TMPRSS15: variants seen among roughly 807,000 people sequenced by gnomAD.
TMPRSS15 encodes enteropeptidase.
Under a neutral mutation model 125.3 loss-of-function variants are expected in TMPRSS15, and 128 were observed. The ratio of observed to expected loss-of-function variants is 1.02; its 90% confidence interval spans 0.89 to 1.18. TMPRSS15 has a LOEUF of 1.18. TMPRSS15 is among the 50% of genes most tolerant of loss of function. TMPRSS15 has a pLI of 0.00. For synonymous variants in TMPRSS15, 446 were observed against 423.2 expected (o/e 1.05, Z -0.66); for missense variants, 1,283 against 1,212.7 (o/e 1.06, Z -0.86).
chr21:18,484,562 TC>T (rs1408244842), intron 1 of TMPRSS15, among the ~76,000 whole-genome samples: 2 of 151,818 alleles, frequency 1.3e-5, no homozygotes, highest in Non-Finnish European at 1.5e-5. Context: ...ATTCATCTGT[TC>T]TTTTTTATAC....
intron 5 of TMPRSS15, among the ~76,000 whole-genome samples, chr21:18,376,200 GT>G (rs11438174): frequency 0.12 from 17,443 of 149,714 alleles, 1,101 homozygotes; most frequent in African/African-American, 0.16. Context: ...AACAAATCTA[GT>G]TTTTTTTTTT....
chr21:18,414,074 T>C (rs1389503603), intron 1 of TMPRSS15, among the ~76,000 whole-genome samples: 3 of 152,222 alleles, frequency 2.0e-5, no homozygotes, highest in Non-Finnish European at 4.4e-5. Flanking sequence ...ACTTAAGGAA[T>C]GCATAGAAAC....
chr21:18,299,117 C>T (rs1038498373), intron 18 of TMPRSS15, among the ~76,000 whole-genome samples: 21 of 152,152 alleles, frequency 1.4e-4, no homozygotes, highest in Admixed American at 7.2e-4. Flanking sequence ...AATGGATTTA[C>T]CAAGGGAAAG....
chr21:18,313,583 G>A (rs1375466757), intron 17 of TMPRSS15, among the ~76,000 whole-genome samples: 1 of 151,816 alleles, frequency 6.6e-6, no homozygotes, highest in African/African-American at 2.4e-5. Flanking sequence ...ATTGATAGGA[G>A]TAAATTATGG....
chr21:18,304,171 G>A (rs114294923), intron 18 of TMPRSS15, among the ~76,000 whole-genome samples: 2 of 152,198 alleles, frequency 1.3e-5, no homozygotes, highest in African/African-American at 4.8e-5. Flanking sequence ...GTCAAAGTAC[G>A]CTAGGACAAA....
At chr21:18,320,332 C>T (rs1425631685) in intron 16 of TMPRSS15, among the ~76,000 whole-genome samples, 1 of 151,962 alleles carries the variant, frequency 6.6e-6, no homozygotes, top group Non-Finnish European at 1.5e-5. Context: ...ATGTTAGTCA[C>T]CACCCTTTAT....
chr21:18,430,098 A>C (rs1036126565), intron 1 of TMPRSS15, among the ~76,000 whole-genome samples: 1 of 152,202 alleles, frequency 6.6e-6, no homozygotes, highest in Non-Finnish European at 1.5e-5. Flanking sequence ...TGTTAGCATC[A>C]GTCTTTGTGA....
chr21:18,361,308 C>T (rs2075677903), intron 7 of TMPRSS15, among the ~76,000 whole-genome samples: 1 of 151,986 alleles, frequency 6.6e-6, no homozygotes, highest in South Asian at 2.1e-4. Context: ...CTCTGAACTC[C>T]TTGGAAGGGA....
At chr21:18,336,336 G>A (rs1432433026) in intron 13 of TMPRSS15, among the ~76,000 whole-genome samples, 2 of 152,138 alleles carry the variant, frequency 1.3e-5, no homozygotes, top group Admixed American at 1.3e-4. Flanking sequence ...ATTGATCGAT[G>A]TTTGAATATA....
intron 1 of TMPRSS15, among the ~76,000 whole-genome samples, chr21:18,401,206 T>C (rs2076091918): frequency 6.6e-6 from 1 of 152,190 alleles, no homozygotes; most frequent in African/African-American, 2.4e-5. Context: ...AAATACCATT[T>C]GACCCAGCAA....
intron 13 of TMPRSS15, among the ~76,000 whole-genome samples, chr21:18,340,869 T>C (rs1221780594): frequency 6.6e-6 from 1 of 152,158 alleles, no homozygotes; most frequent in African/African-American, 2.4e-5. Flanking sequence ...ATAAGAAAGA[T>C]ACTAAAATGA....
chr21:18,445,740 G>A (rs895001548), intron 1 of TMPRSS15, among the ~76,000 whole-genome samples: 9 of 152,114 alleles, frequency 5.9e-5, no homozygotes, highest in Non-Finnish European at 1.0e-4. Flanking sequence ...CTAAAAAAGC[G>A]TTTGGTAAAA....
chr21:18,366,924 G>T (rs1480620727), intron 6 of TMPRSS15, among the ~76,000 whole-genome samples: 1 of 151,866 alleles, frequency 6.6e-6, no homozygotes, highest in Admixed American at 6.6e-5. Context: ...GCTATTTTAT[G>T]ACAAAATATT....
At chr21:18,281,834 A>T (rs552628950) in intron 21 of TMPRSS15, among the ~76,000 whole-genome samples, 61 of 152,266 alleles carry the variant, frequency 4.0e-4, no homozygotes, top group East Asian at 2.9e-3. Context: ...GCGGTGGCTC[A>T]CGCCTGTAAT....
chr21:18,356,502 C>T (rs908698344), intron 8 of TMPRSS15, among the ~76,000 whole-genome samples: 6 of 151,494 alleles, frequency 4.0e-5, no homozygotes, highest in Admixed American at 3.3e-4. Flanking sequence ...TTAAAAATAA[C>T]CATAAAATTA....
At chr21:18,356,306 T>C (rs1329815234) in intron 8 of TMPRSS15, among the ~76,000 whole-genome samples, 2 of 151,808 alleles carry the variant, frequency 1.3e-5, no homozygotes, top group Admixed American at 1.3e-4. Flanking sequence ...AAACTACTTA[T>C]ATTATCCAAT....
upstream of TMPRSS15, among the ~76,000 whole-genome samples, chr21:18,407,448 CTTTTTTTT>C (rs201740388): frequency 0.33 from 44,038 of 133,168 alleles, 7,101 homozygotes; most frequent in East Asian, 0.57. Flanking sequence ...TTTTTCTTTT[CTTTTTTTT>C]TTTTTTTTTT....
At chr21:18,484,520 TA>T (rs902863891) in intron 1 of TMPRSS15, among the ~76,000 whole-genome samples, 20 of 150,346 alleles carry the variant, frequency 1.3e-4, no homozygotes, top group East Asian at 1.9e-4. Context: ...TCCTTCTCTC[TA>T]AAAAAAAAAT....
At chr21:18,342,673 T>C (rs919335209) in intron 12 of TMPRSS15, among the ~76,000 whole-genome samples, 1 of 151,228 alleles carries the variant, frequency 6.6e-6, no homozygotes, top group Non-Finnish European at 1.5e-5. Context: ...GAAAACAAAA[T>C]TGGAGAGGAA....
Sources: gnomAD v4.1 joint callset for allele counts (sites outside exome capture counted in the v4.1 genomes callset) on GRCh38, gnomAD v4.1.1 for gene constraint, MANE v1.5 for transcripts, NCBI Gene and HGNC (gene_info 2026-07-23, HGNC 2026-07-21) for gene names.